Variants in RAP1B observed in about 807,000 individuals in gnomAD.
The protein encoded by RAP1B is ras-related protein Rap-1b.
RAP1B carries 1 observed loss-of-function variant against 27.5 expected under a neutral mutation model. That is an observed-to-expected ratio of 0.04 (90% CI 0.01 to 0.17). The LOEUF (loss-of-function observed/expected upper bound fraction) is 0.17, where lower values mean the gene tolerates loss of function less well. Among genes scored for constraint, RAP1B ranks in the 10% least tolerant of loss-of-function variants. The pLI is 1.00. For missense variants in RAP1B, 84 were observed against 214.8 expected (o/e 0.39, Z 3.81); for synonymous variants, 75 against 73.1 (o/e 1.03, Z -0.13).
At position 68,652,828 on chromosome 12, in the gene RAP1B, T is replaced by C. The variant is rs571940826; in HGVS notation, c.183+777T>C. Among the ~76,000 whole-genome samples, 130 of 152,098 alleles carry C rather than the reference T, an allele frequency of 8.5e-4. 1 individual carries two copies. Among genetic ancestry groups the C allele is most frequent in the Middle Eastern group, 3.4e-3 (1 of 292 alleles). On this transcript the variant is annotated intron_variant, in intron 4 of 7. Coordinates refer to ENST00000250559, the MANE Select transcript of RAP1B (RefSeq NM_001010942.3). ...TTAGAAAATGTGTTAGAAGAAAAAT[T>C]TTCAGTCTCACTAGTACTTTTAAAA... is the stretch of plus-strand genomic sequence containing the variant.
chr12:68,670,468 A>G lies in RAP1B; in HGVS notation c.*11219A>G, dbSNP rs1259397951. On this transcript the variant is annotated 3_prime_UTR_variant, in exon 8 of 8. Coordinates refer to ENST00000250559, the MANE Select transcript of RAP1B (RefSeq NM_001010942.3). Reference sequence around the variant, plus strand: ...TTAGCTAATTTTTAAAAATGAAGCTATATTTAAGATATATATTTCAAGTAA... The same window carrying G: ...TTAGCTAATTTTTAAAAATGAAGCTGTATTTAAGATATATATTTCAAGTAA... 1 of 152,228 alleles carries G rather than the reference A, an allele frequency of 6.6e-6. No individual in the cohort carries two copies. The highest frequency in any genetic ancestry group is 2.1e-4 in the South Asian group (1 of 4,834). 9.4% of individuals were successfully genotyped at this position (152,228 alleles called of 1,614,324 possible).
At position 68,648,792 on chromosome 12, in the gene RAP1B, C is replaced by T; in HGVS notation, c.57+11C>T. 3 of 1,603,234 alleles carry T rather than the reference C, an allele frequency of 1.9e-6. No individual in the cohort carries two copies. The South Asian group carries it at 3.3e-5, about 18-fold the overall frequency. On this transcript the variant is annotated intron_variant, in intron 2 of 7. Coordinates refer to ENST00000250559, the MANE Select transcript of RAP1B (RefSeq NM_001010942.3). ...GGAAAGTCTGCTTTGGTAAGTCATT[C>T]TTACTTTACCTAAGCCTTTCACTCC...
rs1456482033 is a variant in RAP1B, at chr12:68,626,258, T to G, written c.-27+15215T>G. On this transcript the variant is annotated intron_variant, in intron 1 of 7. Coordinates refer to ENST00000250559, the MANE Select transcript of RAP1B (RefSeq NM_001010942.3). ...TTTGTTCTGGAGTTCTTACCTTGATTTATCTACTAACACTAAAGTTCCTCA... is the reference window on the plus strand; with the variant it reads ...TTTGTTCTGGAGTTCTTACCTTGATGTATCTACTAACACTAAAGTTCCTCA... 2.6e-5 allele frequency among the ~76,000 whole-genome samples: 4 copies of G among 152,334 alleles called. No homozygotes were observed. The East Asian group carries it at 5.8e-4, about 22-fold the overall frequency.
rs780836758 is a variant in RAP1B, at chr12:68,660,581, G to A, written c.*1332G>A. The stretch of plus-strand genomic sequence containing the variant: ...TTTAACAGTGCTAGTAAATAAATAC[G>A]GGTTTACCCTGGTTTTAATTGTAAT... On this transcript the variant is annotated 3_prime_UTR_variant, in exon 8 of 8. Coordinates refer to ENST00000250559, the MANE Select transcript of RAP1B (RefSeq NM_001010942.3). 1.3e-5 allele frequency: 2 copies of A among 152,574 alleles called. No individual in the cohort carries two copies. The highest frequency in any genetic ancestry group is 1.9e-4 in the East Asian group (1 of 5,198). The allele number at this position is 152,574 out of a possible 1,614,324, so 9.5% of individuals were successfully genotyped here. A position where few individuals can be genotyped will look rare whatever the true frequency, so the allele number is the denominator to read the frequency against.
chr12:68,613,389 T>TAAAA (rs34380580), intron 1 of RAP1B, among the ~76,000 whole-genome samples: 11 of 123,352 alleles, frequency 8.9e-5, no homozygotes, highest in South Asian at 5.4e-4. Flanking sequence ...AGACCTGTCT[T>TAAAA]AAAAAAAAAA....
rs1870538519 is a variant in RAP1B at position 68,611,136 on chromosome 12, G to GAGGCGCGGGCC, written c.-27+94_-27+104dup. On this transcript the variant is annotated intron_variant, in intron 1 of 7. Transcript: ENST00000250559. ...CTGAGGGGAGCGGGTGGGGTGCGGC[G>GAGGCGCGGGCC]AGGCGCGGGCCGGGCGCGGCGGTCA... The GAGGCGCGGGCC allele has an allele frequency of 2.6e-5, 4 of 151,636 alleles. No individual in the cohort carries two copies. In the South Asian group the frequency reaches 7.1e-4, roughly 27 times the overall value. 9.4% of individuals were successfully genotyped at this position (151,636 alleles called of 1,614,324 possible). A position where few individuals can be genotyped will look rare whatever the true frequency, so the allele number is the denominator to read the frequency against.
intron 1 of RAP1B, among the ~76,000 whole-genome samples, chr12:68,632,150 G>GTTTTTTTTTTTT (rs1555171648): frequency 1.2e-5 from 1 of 80,334 alleles, no homozygotes; most frequent in African/African-American, 4.4e-5. Context: ...TTTTTTGTTT[G>GTTTTTTTTTTTT]TTTTTTTTTT....
In RAP1B at chr12:68,654,354, G is replaced by GC. The variant is rs577494496; in HGVS notation, c.324+102_324+103insC. On this transcript the variant is annotated intron_variant, in intron 5 of 7. Transcript: ENST00000250559. ...TTTAAAGCTTGTGTATTTTGGTTGG[G>GC]GGGGGGGTGTTGGTTTTTTTAAACT... 7.5e-5 allele frequency: 35 copies of GC among 468,648 alleles called. 3 individuals carry two copies. Among genetic ancestry groups the GC allele is most frequent in the South Asian group, 3.1e-4 (7 of 22,932 alleles). The allele number at this position is 468,648 out of a possible 1,614,324, so 29.0% of individuals were successfully genotyped here. A position where few individuals can be genotyped will look rare whatever the true frequency, so the allele number is the denominator to read the frequency against.
At chr12:68,626,435 A>G (rs922064326) in intron 1 of RAP1B, among the ~76,000 whole-genome samples, 6 of 152,182 alleles carry the variant, frequency 3.9e-5, no homozygotes, top group Non-Finnish European at 8.8e-5. Context: ...AGCAAATATT[A>G]TAGGGCGTTT....
intron 1 of RAP1B, among the ~76,000 whole-genome samples, chr12:68,639,997 C>G (rs1247897835): frequency 6.6e-6 from 1 of 151,956 alleles, no homozygotes; most frequent in East Asian, 1.9e-4. Context: ...TGCACCACCA[C>G]AACCGGCTAA....
In RAP1B at chr12:68,657,202, T is replaced by TG. The variant is rs1232032978; in HGVS notation, c.*16dup. 1.3e-6 allele frequency: 2 copies of TG among 1,586,988 alleles called. No homozygotes were observed. The highest frequency in any genetic ancestry group is 2.7e-5 in the African/African-American group (2 of 74,284). On this transcript the variant is annotated 3_prime_UTR_variant, in exon 7 of 8. Coordinates refer to ENST00000250559, the MANE Select transcript of RAP1B (RefSeq NM_001010942.3). The stretch of plus-strand genomic sequence containing the variant: ...AGCTGCTTTAATATACTAAATGCAT[T>TG]GTAGCTCTGAGCCAGGTATGTTCAC...
chr12:68,632,160 T>TTTTTTTC (rs150063055), intron 1 of RAP1B, among the ~76,000 whole-genome samples: 2 of 144,724 alleles, frequency 1.4e-5, no homozygotes, highest in African/African-American at 5.4e-5. Flanking sequence ...GTTTTTTTTT[T>TTTTTTTC]CCAGACTGTT....
intron 1 of RAP1B, among the ~76,000 whole-genome samples, chr12:68,626,075 A>G (rs73332514): frequency 1.1e-3 from 164 of 152,300 alleles, no homozygotes; most frequent in African/African-American, 3.7e-3. Context: ...GTTTATTTCT[A>G]TATTCGGCCT....
intron 1 of RAP1B, among the ~76,000 whole-genome samples, chr12:68,631,639 G>A (rs1374186910): frequency 6.6e-6 from 1 of 152,000 alleles, no homozygotes; most frequent in Non-Finnish European, 1.5e-5. Context: ...ATGTTATGCT[G>A]CCTTTTGTGC....
At chr12:68,653,552 A>T (rs1265146053) in intron 4 of RAP1B, among the ~76,000 whole-genome samples, 2 of 152,158 alleles carry the variant, frequency 1.3e-5, no homozygotes, top group Non-Finnish European at 2.9e-5. Context: ...GCCTTTAGTA[A>T]CTTTTGGGGA....
At chr12:68,615,262 C>T (rs1870899913) in intron 1 of RAP1B, among the ~76,000 whole-genome samples, 1 of 151,610 alleles carries the variant, frequency 6.6e-6, no homozygotes, top group East Asian at 1.9e-4. Flanking sequence ...TTAAAACTTT[C>T]CAAAGAACCT....
At chr12:68,648,935 A>G (rs1197870503) in intron 2 of RAP1B, 154 bp downstream of exon 2, 3 of 672,340 alleles carry the variant, frequency 4.5e-6, no homozygotes, top group Non-Finnish European at 7.4e-6. Flanking sequence ...TCAACTTTTA[A>G]TTATATCTGG....
At chr12:68,611,296 C>G (rs1369987366) in intron 1 of RAP1B, among the ~76,000 whole-genome samples, 1 of 150,658 alleles carries the variant, frequency 6.6e-6, no homozygotes, top group Non-Finnish European at 1.5e-5. Flanking sequence ...GCGCGCTTTG[C>G]GGAAGGGGTC....
intron 2 of RAP1B, chr12:68,649,331 C>G (rs1307886888): frequency 2.0e-5 from 3 of 152,862 alleles, no homozygotes; most frequent in Non-Finnish European, 2.9e-5. Context: ...CATAAATCAC[C>G]ATGCCTGGCT....
Sources: gnomAD v4.1 joint callset for allele counts (sites outside exome capture counted in the v4.1 genomes callset) on GRCh38, gnomAD v4.1.1 for gene constraint, MANE v1.5 for transcripts, NCBI Gene and HGNC (gene_info 2026-07-23, HGNC 2026-07-21) for gene names.